TMPRSS6: variants seen among roughly 807,000 people sequenced by gnomAD.
TMPRSS6 encodes the protein transmembrane serine protease 6.
A neutral mutation model predicts 101.5 loss-of-function variants in TMPRSS6; 67 were observed. That is an observed-to-expected ratio of 0.66 (90% CI 0.54 to 0.81). TMPRSS6 has a LOEUF of 0.81. TMPRSS6 is among the 30% of genes least tolerant of loss of function. TMPRSS6 has a pLI of 0.00. For missense variants in TMPRSS6, 1,034 were observed against 1,088.7 expected (o/e 0.95, Z 0.71); for synonymous variants, 453 against 464.9 (o/e 0.97, Z 0.33).
Position 37,069,073 on chromosome 22 carries a change from C to G in TMPRSS6, c.2113G>C (p.Gly705Arg). 1.3e-6 allele frequency: 2 copies of G among 1,540,718 alleles called. No homozygotes were observed. Among genetic ancestry groups the G allele is most frequent in the South Asian group, 2.4e-5 (2 of 84,324 alleles). The change falls in exon 16 of 18, where the codon GGC becomes CGC. Residue 705 changes from glycine to arginine, a missense_variant and splice_region_variant. Coordinates refer to ENST00000676104, the MANE Select transcript of TMPRSS6 (RefSeq NM_001374504.1). The surrounding 1 kb of genome is among the most constrained non-coding windows in gnomAD (Gnocchi z 4.8). Reference sequence around the variant, plus strand: ...CCCGCCGCAAGTCCCCGCTGCTCACCGCCCTCGCGCAAGGCGCCCCAGCCC... The same window carrying G: ...CCCGCCGCAAGTCCCCGCTGCTCACGGCCCTCGCGCAAGGCGCCCCAGCCC... ...ITGWGALREG[G>R]PISNALQKVD...
At chr22:37,093,134 T>C (rs1411599193) in intron 6 of TMPRSS6, among the ~76,000 whole-genome samples, 1 of 152,184 alleles carries the variant, frequency 6.6e-6, no homozygotes. Context: ...GGATTTGAGT[T>C]GTTATCTCTG....
Position 37,103,451 on chromosome 22 carries a change from C to G in TMPRSS6, c.-1-33G>C. The G allele has an allele frequency of 6.2e-7, 1 of 1,614,222 alleles. No individual in the cohort carries two copies. Among genetic ancestry groups the G allele is most frequent in the African/African-American group, 1.3e-5 (1 of 75,060 alleles). Reference sequence around the variant, plus strand: ...GGAAACAGACCAAAGTTGGAAACAGCCTCGCATTTGCAAGGGAGCCTCTGC... The same window carrying G: ...GGAAACAGACCAAAGTTGGAAACAGGCTCGCATTTGCAAGGGAGCCTCTGC... On this transcript the variant is annotated intron_variant, in intron 1 of 17. Transcript: ENST00000676104. This position sits in a 1 kb window ranked among gnomAD's most constrained non-coding sequence, Gnocchi z 4.4.
intron 14 of TMPRSS6, 47 bp downstream of exon 14, chr22:37,070,869 C>A: frequency 1.3e-6 from 2 of 1,571,600 alleles, no homozygotes; most frequent in Non-Finnish European, 8.7e-7. Flanking sequence ...CTGTGGGCAC[C>A]CCCTCCCTCC....
At chr22:37,082,058 T>C (rs1928313060) in intron 10 of TMPRSS6, among the ~76,000 whole-genome samples, 2 of 152,164 alleles carry the variant, frequency 1.3e-5, no homozygotes, top group African/African-American at 4.8e-5. Flanking sequence ...CCCAACTGCA[T>C]CAGGGAGGGA....
Position 37,069,027 on chromosome 22 carries a change from C to A in TMPRSS6, c.2113+46G>T. 4 of 1,532,736 alleles carry A rather than the reference C, an allele frequency of 2.6e-6. No homozygotes were observed. Among genetic ancestry groups the A allele is most frequent in the African/African-American group, 2.7e-5 (2 of 73,080 alleles). The allele number at this position is 1,532,736 out of a possible 1,614,324, so 94.9% of individuals were successfully genotyped here. A position where few individuals can be genotyped will look rare whatever the true frequency, so the allele number is the denominator to read the frequency against. On this transcript the variant is annotated intron_variant, in intron 16 of 17. Transcript: ENST00000676104. The surrounding 1 kb of genome is among the most constrained non-coding windows in gnomAD (Gnocchi z 4.8). ...CCAGGCCAGGTGTTACGGCGCAGAT[C>A]CGCACGGTCTCCCTCCGCCTCCCGC...
intron 4 of TMPRSS6, among the ~76,000 whole-genome samples, 172 bp from the exon 5 acceptor site, chr22:37,096,262 C>T (rs749907554): frequency 7.9e-5 from 12 of 152,220 alleles, no homozygotes; most frequent in Admixed American, 6.5e-4. Context: ...CCTTATTTTA[C>T]GAATGAGAAA....
At chr22:37,084,633 G>C (rs1928547527) in intron 9 of TMPRSS6, 94 bp downstream of exon 9, 1 of 1,143,874 alleles carries the variant, frequency 8.7e-7, no homozygotes, top group African/African-American at 1.5e-5. Flanking sequence ...CGCTTCAGCA[G>C]AGGCGGGACA....
Position 37,084,589 on chromosome 22 carries a change from T to C in TMPRSS6, c.1086+138A>G, listed in dbSNP as rs1004004592. ...ACCTCGCCCACAGCCCTCTCCACCCTGGCAGGATGTGTACCCAGGGCTCAG... is the reference window on the plus strand; with the variant it reads ...ACCTCGCCCACAGCCCTCTCCACCCCGGCAGGATGTGTACCCAGGGCTCAG... On this transcript the variant is annotated intron_variant, in intron 9 of 17. Transcript: ENST00000676104. The C allele has an allele frequency of 1.4e-5, 12 of 855,326 alleles. No homozygotes were observed. The African/African-American group carries it at 2.0e-4, about 14-fold the overall frequency. The allele number at this position is 855,326 out of a possible 1,614,324, so 53.0% of individuals were successfully genotyped here.
chr22:37,075,167 C>T lies in TMPRSS6; in HGVS notation c.1310G>A (p.Arg437Gln), dbSNP rs756792962. The T allele has an allele frequency of 1.4e-5, 22 of 1,613,986 alleles. No homozygotes were observed. The highest frequency in any genetic ancestry group is 3.3e-5 in the South Asian group (3 of 91,088). ...CTGGTTGTACAAGCCATAGTGCACCCGCACACCGGGCCCGGTGAGGGAGAT... is the reference window on the plus strand; with the variant it reads ...CTGGTTGTACAAGCCATAGTGCACCTGCACACCGGGCCCGGTGAGGGAGAT... ...SQISLTGPGV[R>Q]VHYGLYNQSD... The change falls in exon 11 of 18, where the codon CGG becomes CAG. Residue 437 changes from arginine (R) to glutamine (Q), a missense_variant. Arg to Gln is a conservative substitution (Grantham distance 43). Coordinates refer to ENST00000676104, the MANE Select transcript of TMPRSS6 (RefSeq NM_001374504.1).
At chr22:37,078,204 G>A (rs965173300) in intron 10 of TMPRSS6, among the ~76,000 whole-genome samples, 2 of 152,210 alleles carry the variant, frequency 1.3e-5, no homozygotes, top group Admixed American at 6.5e-5. Context: ...GGGAGATTGT[G>A]GGGAGACAGA....
intron 10 of TMPRSS6, chr22:37,083,844 T>G: frequency 1.2e-5 from 4 of 346,384 alleles, no homozygotes; most frequent in East Asian, 4.6e-5. Flanking sequence ...TGCAATGGGA[T>G]TGGGCCTGGC....
intron 5 of TMPRSS6, 130 bp from the exon 6 acceptor site, chr22:37,095,722 C>T: frequency 8.2e-7 from 1 of 1,214,008 alleles, no homozygotes; most frequent in Non-Finnish European, 1.2e-6. Flanking sequence ...CTAAATGCCC[C>T]CATCCCACCC....
chr22:37,075,014 C>T lies in TMPRSS6; in HGVS notation c.1342+121G>A. 7 of 1,522,238 alleles carry T rather than the reference C, an allele frequency of 4.6e-6. 1 individual carries two copies. The South Asian group carries it at 6.8e-5, about 15-fold the overall frequency. The allele number at this position is 1,522,238 out of a possible 1,614,324, so 94.3% of individuals were successfully genotyped here. A position where few individuals can be genotyped will look rare whatever the true frequency, so the allele number is the denominator to read the frequency against. On this transcript the variant is annotated intron_variant, in intron 11 of 17. Transcript: ENST00000676104. ...GTGCAAGCACATACACACACACACA[C>T]ACTCTCTCTCTCCTTTTGTTCAGCC... is the stretch of plus-strand genomic sequence containing the variant.
intron 7 of TMPRSS6, 76 bp from the exon 8 acceptor site, chr22:37,086,495 T>G: frequency 3.8e-5 from 46 of 1,211,992 alleles, no homozygotes; most frequent in Non-Finnish European, 3.1e-5. Context: ...AGGCGGCTGC[T>G]GGGGGAGGGT....
At chr22:37,089,864 C>T (rs939385381) in intron 6 of TMPRSS6, 82 bp from the exon 7 acceptor site, 2 of 1,432,156 alleles carry the variant, frequency 1.4e-6, no homozygotes, top group African/African-American at 2.8e-5. Context: ...CCTCAAGGTC[C>T]TCCACCAGGC....
chr22:37,095,761 C>T (rs1929696298), intron 5 of TMPRSS6, 145 bp downstream of exon 5: 2 of 1,229,660 alleles, frequency 1.6e-6, no homozygotes, highest in Admixed American at 2.0e-5. Context: ...AATGCAATGG[C>T]ACTGCTACCT....
chr22:37,069,030 C>T lies in TMPRSS6; in HGVS notation c.2113+43G>A. ...GGCCAGGTGTTACGGCGCAGATCCG[C>T]ACGGTCTCCCTCCGCCTCCCGCCGC... On this transcript the variant is annotated intron_variant, in intron 16 of 17. Coordinates refer to ENST00000676104, the MANE Select transcript of TMPRSS6 (RefSeq NM_001374504.1). The surrounding 1 kb of genome is among the most constrained non-coding windows in gnomAD (Gnocchi z 4.8). 1.3e-6 allele frequency: 2 copies of T among 1,532,956 alleles called. No individual in the cohort carries two copies. The highest frequency in any genetic ancestry group is 8.7e-7 in the Non-Finnish European group (1 of 1,146,064). The allele number at this position is 1,532,956 out of a possible 1,614,324, so 95.0% of individuals were successfully genotyped here. A position where few individuals can be genotyped will look rare whatever the true frequency, so the allele number is the denominator to read the frequency against.
At position 37,069,053 on chromosome 22, in the gene TMPRSS6, C is replaced by T. The variant is rs1195551683; in HGVS notation, c.2113+20G>A. On this transcript the variant is annotated intron_variant, in intron 16 of 17. Coordinates refer to ENST00000676104, the MANE Select transcript of TMPRSS6 (RefSeq NM_001374504.1). The surrounding 1 kb of genome is among the most constrained non-coding windows in gnomAD (Gnocchi z 4.8). ...CGCACGGTCTCCCTCCGCCTCCCGC[C>T]GCAAGTCCCCGCTGCTCACCGCCCT... 5.2e-6 allele frequency: 8 copies of T among 1,536,252 alleles called. No homozygotes were observed. The highest frequency in any genetic ancestry group is 1.4e-5 in the African/African-American group (1 of 73,148).
At chr22:37,086,221 G>T in intron 8 of TMPRSS6, 62 bp downstream of exon 8, 1 of 1,610,912 alleles carries the variant, frequency 6.2e-7, no homozygotes. Flanking sequence ...AGTGAGCCCA[G>T]TGGAGGGCCC....
Sources: allele counts gnomAD v4.1 joint callset (sites outside exome capture counted in the v4.1 genomes callset), GRCh38; gene constraint gnomAD v4.1.1; non-coding constraint Gnocchi (gnomAD v3.1); transcripts MANE v1.5; gene names NCBI Gene and HGNC (gene_info 2026-07-23, HGNC 2026-07-21).